Variants in TMEM106B observed in about 807,000 individuals in gnomAD.
The protein encoded by TMEM106B is transmembrane protein 106B.
Under a neutral mutation model 31.1 loss-of-function variants are expected in TMEM106B, and 15 were observed. That is an observed-to-expected ratio of 0.48 (90% CI 0.32 to 0.74). TMEM106B has a LOEUF of 0.74. Ranked by LOEUF, TMEM106B falls within the 30% of genes least tolerant of loss-of-function variation. TMEM106B has a pLI of 0.03. For synonymous variants in TMEM106B, 126 were observed against 112.5 expected (o/e 1.12, Z -0.76); for missense variants, 283 against 327.3 (o/e 0.86, Z 1.04).
At position 12,240,720 on chromosome 7, in the gene TMEM106B, G is replaced by C. The variant is rs953795434; in HGVS notation, c.*8745G>C. ...TGTTTCCTTGATCAGTGGTTTTTCA[G>C]AATTTTTTAAAGCTTGTGAAATACT... On this transcript the variant is annotated 3_prime_UTR_variant, in exon 8 of 8. Coordinates refer to ENST00000396668, the MANE Select transcript of TMEM106B (RefSeq NM_001134232.2). 4.6e-5 allele frequency: 7 copies of C among 150,656 alleles called. No individual in the cohort carries two copies. Among genetic ancestry groups the C allele is most frequent in the African/African-American group, 1.5e-4 (6 of 40,886 alleles). The allele number at this position is 150,656 out of a possible 1,614,324, so 9.3% of individuals were successfully genotyped here.
At chr7:12,212,417 G>A (rs1781599164) in intron 1 of TMEM106B, among the ~76,000 whole-genome samples, 1 of 150,638 alleles carries the variant, frequency 6.6e-6, no homozygotes, top group South Asian at 2.1e-4. Context: ...GACAGGTGTT[G>A]ATTAAGACAA....
At chr7:12,218,626 G>T (rs2128524715) in intron 3 of TMEM106B, 105 bp downstream of exon 3, 5 of 883,844 alleles carry the variant, frequency 5.7e-6, no homozygotes, top group Non-Finnish European at 6.9e-6. Flanking sequence ...AAGAAAAAAT[G>T]CTGTCACGTA....
chr7:12,215,972 G>A (rs569295266), intron 2 of TMEM106B, among the ~76,000 whole-genome samples: 1 of 152,150 alleles, frequency 6.6e-6, no homozygotes, highest in Admixed American at 6.5e-5. Flanking sequence ...TCTTCTTGGT[G>A]AAAGTTGATG....
chr7:12,236,987 T>A lies in TMEM106B; in HGVS notation c.*5012T>A, dbSNP rs563159338. The A allele has an allele frequency of 2.0e-5, 3 of 152,140 alleles. No individual in the cohort carries two copies. Among genetic ancestry groups the A allele is most frequent in the African/African-American group, 7.2e-5 (3 of 41,546 alleles). The allele number at this position is 152,140 out of a possible 1,614,324, so 9.4% of individuals were successfully genotyped here. On this transcript the variant is annotated 3_prime_UTR_variant, in exon 8 of 8. Coordinates refer to ENST00000396668, the MANE Select transcript of TMEM106B (RefSeq NM_001134232.2). The stretch of plus-strand genomic sequence containing the variant: ...GATTCTAGTTATATAATAAATAATA[T>A]AGAATATGAAAATATGTTTGGGCAT...
intron 2 of TMEM106B, 62 bp from the exon 3 acceptor site, chr7:12,218,396 G>C (rs1583451717): frequency 7.2e-7 from 1 of 1,384,832 alleles, no homozygotes; most frequent in East Asian, 2.3e-5. Flanking sequence ...AGATTGTGAT[G>C]GGGAGCCATT....
chr7:12,223,609 G>A (rs777698868), intron 3 of TMEM106B, among the ~76,000 whole-genome samples: 13 of 152,056 alleles, frequency 8.5e-5, no homozygotes, highest in South Asian at 2.1e-4. Flanking sequence ...TGAAATGTGC[G>A]TTTGTATGAA....
rs1782117932 is a variant in TMEM106B at position 12,235,676 on chromosome 7, T to C, written c.*3701T>C. On this transcript the variant is annotated 3_prime_UTR_variant, in exon 8 of 8. Transcript: ENST00000396668. ...CCAACTCTCCCGCACCCCATTTTGT[T>C]TGTCTTTTAAAGTTCTTAGAATAAA... is the stretch of plus-strand genomic sequence containing the variant. The C allele has an allele frequency of 6.6e-6, 1 of 151,902 alleles. No homozygotes were observed. Among genetic ancestry groups the C allele is most frequent in the African/African-American group, 2.4e-5 (1 of 41,432 alleles). 9.4% of individuals were successfully genotyped at this position (151,902 alleles called of 1,614,324 possible).
In TMEM106B at chr7:12,229,838, A is replaced by G. The variant is rs1197427144; in HGVS notation, c.582+19A>G. ...GAAACAAGTAAGAATCAATCATGAAATACTTTGTAAGAGTTAAATGAATGT... is the reference window on the plus strand; with the variant it reads ...GAAACAAGTAAGAATCAATCATGAAGTACTTTGTAAGAGTTAAATGAATGT... On this transcript the variant is annotated intron_variant, in intron 5 of 7. Transcript: ENST00000396668. 6 of 1,589,600 alleles carry G rather than the reference A, an allele frequency of 3.8e-6. No individual in the cohort carries two copies. The African/African-American group carries it at 8.1e-5, about 22-fold the overall frequency.
chr7:12,236,714 G>C lies in TMEM106B; in HGVS notation c.*4739G>C, dbSNP rs1321618826. 2 of 152,002 alleles carry C rather than the reference G, an allele frequency of 1.3e-5. No homozygotes were observed. The highest frequency in any genetic ancestry group is 2.9e-5 in the Non-Finnish European group (2 of 67,926). 9.4% of individuals were successfully genotyped at this position (152,002 alleles called of 1,614,324 possible). On this transcript the variant is annotated 3_prime_UTR_variant, in exon 8 of 8. Coordinates refer to ENST00000396668, the MANE Select transcript of TMEM106B (RefSeq NM_001134232.2). ...CTGTAGTTGGGTAATTCCAAGTGCT[G>C]ATAGTACTATTCATCTTTTTTATTA...
At position 12,235,712 on chromosome 7, in the gene TMEM106B, TATA is replaced by T. The variant is rs1378757245; in HGVS notation, c.*3743_*3745del. 1.3e-5 allele frequency: 2 copies of T among 151,820 alleles called. No individual in the cohort carries two copies. Among genetic ancestry groups the T allele is most frequent in the Admixed American group, 6.6e-5 (1 of 15,230 alleles). 9.4% of individuals were successfully genotyped at this position (151,820 alleles called of 1,614,324 possible). A position where few individuals can be genotyped will look rare whatever the true frequency, so the allele number is the denominator to read the frequency against. On this transcript the variant is annotated 3_prime_UTR_variant, in exon 8 of 8. Coordinates refer to ENST00000396668, the MANE Select transcript of TMEM106B (RefSeq NM_001134232.2). ...AGTTCTTAGAATAAACAGTTCTTTA[TATA>T]ATAATTATATTTTATTTAAGAAAAT... is the stretch of plus-strand genomic sequence containing the variant.
At chr7:12,215,380 A>G (rs1781666139) in intron 2 of TMEM106B, among the ~76,000 whole-genome samples, 1 of 151,552 alleles carries the variant, frequency 6.6e-6, no homozygotes, top group Non-Finnish European at 1.5e-5. Context: ...GTTAGAAGCA[A>G]TTTAAGTAAT....
chr7:12,228,207 T>A (rs575760264), intron 4 of TMEM106B, among the ~76,000 whole-genome samples: 7 of 152,016 alleles, frequency 4.6e-5, no homozygotes, highest in African/African-American at 1.4e-4. Context: ...ATAAATGTAA[T>A]CATATAATTG....
chr7:12,223,489 C>T (rs189392292), intron 3 of TMEM106B, among the ~76,000 whole-genome samples: 128 of 152,112 alleles, frequency 8.4e-4, no homozygotes, highest in African/African-American at 3.1e-3. Context: ...TCTCCCTTCC[C>T]CATCATTATT....
At position 12,240,148 on chromosome 7, in the gene TMEM106B, A is replaced by C. The variant is rs971279277; in HGVS notation, c.*8173A>C. 6.6e-6 allele frequency: 1 copy of C among 152,154 alleles called. No individual in the cohort carries two copies. The highest frequency in any genetic ancestry group is 2.1e-4 in the South Asian group (1 of 4,828). 9.4% of individuals were successfully genotyped at this position (152,154 alleles called of 1,614,324 possible). On this transcript the variant is annotated 3_prime_UTR_variant, in exon 8 of 8. Transcript: ENST00000396668. ...CAATCATTTCTTATTGCCCTTCAAC[A>C]ATGTCCTGACCAAATCGAGTTCTTT...
intron 1 of TMEM106B, among the ~76,000 whole-genome samples, chr7:12,213,413 C>T (rs945349197): frequency 7.2e-5 from 11 of 152,114 alleles, no homozygotes; most frequent in Admixed American, 3.9e-4. Flanking sequence ...CACAAAGGTG[C>T]GTGAATTTTC....
intron 2 of TMEM106B, among the ~76,000 whole-genome samples, 160 bp downstream of exon 2, chr7:12,215,187 CAAAT>C (rs1423862323): frequency 3.3e-5 from 5 of 152,112 alleles, no homozygotes; most frequent in African/African-American, 7.2e-5. Flanking sequence ...GCAAAAGAAA[CAAAT>C]AAAGTATTAA....
intron 4 of TMEM106B, among the ~76,000 whole-genome samples, chr7:12,228,865 T>C (rs1046188775): frequency 6.6e-6 from 1 of 152,104 alleles, no homozygotes; most frequent in African/African-American, 2.4e-5. Flanking sequence ...TAAATGAATT[T>C]GAGCATTGTA....
intron 3 of TMEM106B, among the ~76,000 whole-genome samples, chr7:12,220,360 A>C (rs1781763567): frequency 6.6e-6 from 1 of 152,146 alleles, no homozygotes; most frequent in African/African-American, 2.4e-5. Flanking sequence ...ATAGCAAACT[A>C]AGTAGTAAAG....
intron 1 of TMEM106B, among the ~76,000 whole-genome samples, chr7:12,211,802 C>T (rs1036649737): frequency 2.0e-5 from 3 of 152,184 alleles, no homozygotes; most frequent in Non-Finnish European, 2.9e-5. Context: ...GCGCTTGTTT[C>T]CTTAGTTCTC....
Sources: allele counts gnomAD v4.1 joint callset (sites outside exome capture counted in the v4.1 genomes callset), GRCh38; gene constraint gnomAD v4.1.1; transcripts MANE v1.5; gene names NCBI Gene and HGNC (gene_info 2026-07-23, HGNC 2026-07-21).